Variants in RBFOX1 observed in about 807,000 individuals in gnomAD.
RBFOX1 encodes the protein RNA binding protein fox-1 homolog 1.
Under a neutral mutation model 57.7 loss-of-function variants are expected in RBFOX1, and 8 were observed. The observed-to-expected ratio is 0.14, with a 90% CI of 0.08 to 0.25. The LOEUF (loss-of-function observed/expected upper bound fraction) is 0.25. RBFOX1 is among the 10% of genes least tolerant of loss of function. The pLI is 1.00. For missense variants in RBFOX1, 611 were observed against 548.5 expected (o/e 1.11, Z -1.14); for synonymous variants, 326 against 222.4 (o/e 1.47, Z -4.15).
intron 2 of RBFOX1, among the ~76,000 whole-genome samples, chr16:6,489,813 C>G (rs1323517697): frequency 6.6e-6 from 1 of 152,140 alleles, no homozygotes; most frequent in Admixed American, 6.6e-5. Flanking sequence ...ATGACCACCT[C>G]CAACAACAGC....
At chr16:7,528,238 T>G (rs1372791049) in intron 5 of RBFOX1, among the ~76,000 whole-genome samples, 1 of 152,238 alleles carries the variant, frequency 6.6e-6, no homozygotes, top group African/African-American at 2.4e-5. Context: ...CTGACAAGTT[T>G]CATCGTGACT....
At chr16:7,069,113 C>G (rs1485009306) in intron 4 of RBFOX1, among the ~76,000 whole-genome samples, 2 of 152,318 alleles carry the variant, frequency 1.3e-5, no homozygotes, top group East Asian at 1.9e-4. Context: ...TATTTTATCA[C>G]CCACTCCTTT....
At chr16:5,821,344 G>A (rs2055852798) in intron 3 of RBFOX1, among the ~76,000 whole-genome samples, 1 of 143,258 alleles carries the variant, frequency 7.0e-6, no homozygotes, top group African/African-American at 2.6e-5. Flanking sequence ...CACCCAGGCT[G>A]GAGTGCAGTG....
At chr16:6,523,533 A>G (rs2096537567) in intron 2 of RBFOX1, among the ~76,000 whole-genome samples, 1 of 152,114 alleles carries the variant, frequency 6.6e-6, no homozygotes, top group Non-Finnish European at 1.5e-5. Context: ...TGCTAACTGG[A>G]TGACTTTGGT....
At chr16:6,566,743 A>T (rs1028582737) in intron 2 of RBFOX1, among the ~76,000 whole-genome samples, 1 of 152,180 alleles carries the variant, frequency 6.6e-6, no homozygotes, top group Non-Finnish European at 1.5e-5. Flanking sequence ...TCTATATGAG[A>T]AACAGGATCT....
Position 6,364,153 on chromosome 16 carries a change from A to C in RBFOX1, c.-64+47096A>C, listed in dbSNP as rs551858964. Among the ~76,000 whole-genome samples, 3 of 152,136 alleles carry C rather than the reference A, an allele frequency of 2.0e-5. No homozygotes were observed. In the South Asian group the frequency reaches 6.2e-4, roughly 32 times the overall value. On this transcript the variant is annotated intron_variant, in intron 2 of 15. Transcript: ENST00000550418. Reference sequence around the variant, plus strand: ...GTTCCCTGCTGTACTGAGAAGTCCAACTCTCCTTTGCAAGCCAGGAAAAAT... The same window carrying C: ...GTTCCCTGCTGTACTGAGAAGTCCACCTCTCCTTTGCAAGCCAGGAAAAAT...
At chr16:6,769,045 G>T (rs187960387) in intron 3 of RBFOX1, among the ~76,000 whole-genome samples, 1 of 152,002 alleles carries the variant, frequency 6.6e-6, no homozygotes, top group Non-Finnish European at 1.5e-5. Context: ...TTCTTTTTCT[G>T]TTTAACAGTT....
intron 4 of RBFOX1, among the ~76,000 whole-genome samples, chr16:7,316,617 A>G (rs933481489): frequency 2.0e-5 from 3 of 152,204 alleles, no homozygotes; most frequent in Admixed American, 1.3e-4. Context: ...GCAAGTGATC[A>G]TCACATAACT....
chr16:5,323,217 T>G (rs749936456), intron 1 of RBFOX1, among the ~76,000 whole-genome samples: 1 of 152,248 alleles, frequency 6.6e-6, no homozygotes, highest in African/African-American at 2.4e-5. Flanking sequence ...TCAGTACCTA[T>G]GAGTAAAATG....
intron 14 of RBFOX1, 56 bp downstream of exon 14, chr16:7,676,894 GGA>G: frequency 6.6e-7 from 1 of 1,504,976 alleles, no homozygotes. Context: ...TTAGTTGATG[GGA>G]GAGGAGATTC....
chr16:6,989,886 A>G (rs868188243), intron 3 of RBFOX1, among the ~76,000 whole-genome samples: 1 of 152,032 alleles, frequency 6.6e-6, no homozygotes, highest in Admixed American at 6.6e-5. Context: ...GTATAATCCC[A>G]GCTACTCGGG....
intron 3 of RBFOX1, among the ~76,000 whole-genome samples, chr16:5,797,668 G>C (rs1304509127): frequency 6.6e-6 from 1 of 152,130 alleles, no homozygotes; most frequent in East Asian, 1.9e-4. Context: ...CAAATATTTT[G>C]TTAGCTAATC....
chr16:6,471,023 C>G (rs2095162348), intron 2 of RBFOX1, among the ~76,000 whole-genome samples: 1 of 152,206 alleles, frequency 6.6e-6, no homozygotes, highest in Non-Finnish European at 1.5e-5. Flanking sequence ...GCCTTCCTAG[C>G]AATGACTGTT....
chr16:6,221,111 C>G (rs539786568), intron 1 of RBFOX1, among the ~76,000 whole-genome samples: 2 of 152,166 alleles, frequency 1.3e-5, no homozygotes, highest in East Asian at 3.9e-4. Context: ...GGCCATATTT[C>G]CAGAAGTGTA....
At chr16:5,563,693 TATG>T (rs2045966311) in intron 2 of RBFOX1, among the ~76,000 whole-genome samples, 1 of 152,226 alleles carries the variant, frequency 6.6e-6, no homozygotes, top group Admixed American at 6.5e-5. Context: ...ATATAATTCA[TATG>T]ATATACAATT....
intron 1 of RBFOX1, among the ~76,000 whole-genome samples, chr16:5,355,264 G>T (rs749598926): frequency 2.0e-5 from 3 of 152,166 alleles, no homozygotes; most frequent in Admixed American, 6.5e-5. Flanking sequence ...CACACTTAGA[G>T]CAGGATAGTT....
At chr16:6,231,970 G>A (rs1161005417) in intron 1 of RBFOX1, among the ~76,000 whole-genome samples, 6 of 151,704 alleles carry the variant, frequency 4.0e-5, no homozygotes. Context: ...AATTATGCAC[G>A]GGAGGGAGGT....
intron 2 of RBFOX1, among the ~76,000 whole-genome samples, chr16:6,524,161 C>G (rs1270471090): frequency 1.3e-5 from 2 of 152,206 alleles, no homozygotes; most frequent in Non-Finnish European, 2.9e-5. Context: ...TTCCCAGCCT[C>G]TGGTAACCAT....
chr16:6,690,773 T>TC (rs1384451802), intron 3 of RBFOX1, among the ~76,000 whole-genome samples: 1 of 150,890 alleles, frequency 6.6e-6, no homozygotes, highest in Admixed American at 6.6e-5. Flanking sequence ...TTTTTTTTTT[T>TC]AACTTTAGAA....
Sources: allele counts gnomAD v4.1 joint callset (sites outside exome capture counted in the v4.1 genomes callset), GRCh38; gene constraint gnomAD v4.1.1; transcripts MANE v1.5; gene names NCBI Gene and HGNC (gene_info 2026-07-23, HGNC 2026-07-21).